CNTNAP2: variants seen among roughly 807,000 people sequenced by gnomAD.
CNTNAP2 encodes contactin-associated protein-like 2.
A neutral mutation model predicts 155.2 loss-of-function variants in CNTNAP2; 98 were observed. The ratio of observed to expected loss-of-function variants is 0.63; its 90% CI spans 0.54 to 0.75. CNTNAP2 has a LOEUF of 0.75. Ranked by LOEUF, CNTNAP2 falls within the 30% of genes least tolerant of loss-of-function variation. The probability of loss-of-function intolerance (pLI) is 0.00; values close to 1 mark genes in which losing one functional copy is unlikely to be tolerated. For missense variants in CNTNAP2, 1,727 were observed against 1,688.1 expected (o/e 1.02, Z -0.40); for synonymous variants, 651 against 631.2 (o/e 1.03, Z -0.47).
At chr7:146,186,600 G>T (rs1184406911) in intron 1 of CNTNAP2, among the ~76,000 whole-genome samples, 2 of 152,044 alleles carry the variant, frequency 1.3e-5, no homozygotes, top group Non-Finnish European at 2.9e-5. Context: ...GGTGTATTAT[G>T]TATTTCAAAT....
At chr7:147,667,795 C>CA (rs549630597) in intron 13 of CNTNAP2, among the ~76,000 whole-genome samples, 2,619 of 129,580 alleles carry the variant, frequency 0.02, 72 homozygotes, top group African/African-American at 0.061. Flanking sequence ...GCTGCTGCTG[C>CA]AAAAAAAAAA....
At chr7:147,731,940 AT>A (rs1796746703) in intron 13 of CNTNAP2, among the ~76,000 whole-genome samples, 1 of 152,174 alleles carries the variant, frequency 6.6e-6, no homozygotes, top group African/African-American at 2.4e-5. Context: ...GTAGAATTAA[AT>A]TTTGAGCCTG....
At chr7:146,656,282 G>A (rs1451097229) in intron 1 of CNTNAP2, among the ~76,000 whole-genome samples, 3 of 152,098 alleles carry the variant, frequency 2.0e-5, no homozygotes, top group African/African-American at 7.2e-5. Flanking sequence ...ATTTCACCTG[G>A]CAAAGGAACT....
chr7:146,925,730 C>T (rs190880481), intron 3 of CNTNAP2, among the ~76,000 whole-genome samples: 734 of 152,186 alleles, frequency 4.8e-3, no homozygotes, highest in Non-Finnish European at 8.2e-3. Flanking sequence ...ATTCCAGATC[C>T]TGTTCTTTTT....
rs1002731388 is a variant in CNTNAP2 at position 148,416,764 on chromosome 7, T to C, written c.*1148T>C. 6.0e-5 allele frequency: 9 copies of C among 150,596 alleles called. No homozygotes were observed. The highest frequency in any genetic ancestry group is 2.2e-4 in the African/African-American group (9 of 40,198). The allele number at this position is 150,596 out of a possible 1,614,324, so 9.3% of individuals were successfully genotyped here. On this transcript the variant is annotated 3_prime_UTR_variant, in exon 24 of 24. Transcript: ENST00000361727. The stretch of plus-strand genomic sequence containing the variant: ...ATCAACTACTCCACGTGTTTTTCCA[T>C]CCAATCACACTGCTGTGATTCAGGG...
chr7:147,347,433 TATATATGCATATATATATATATGC>T (rs1795887341), intron 9 of CNTNAP2, among the ~76,000 whole-genome samples: 1 of 59,378 alleles, frequency 1.7e-5, no homozygotes, highest in Non-Finnish European at 3.4e-5. Context: ...TATATATATA[TATATATGCATATATATATATATGC>T]ATATATATAT....
intron 21 of CNTNAP2, among the ~76,000 whole-genome samples, chr7:148,295,388 C>CAAAAG (rs199606326): frequency 0.059 from 9,017 of 152,120 alleles, 345 homozygotes; most frequent in African/African-American, 0.11. Flanking sequence ...ACAAGGGCTA[C>CAAAAG]AAAAGAAGCA....
At chr7:146,554,878 T>C (rs1798174404) in intron 1 of CNTNAP2, among the ~76,000 whole-genome samples, 1 of 152,260 alleles carries the variant, frequency 6.6e-6, no homozygotes, top group African/African-American at 2.4e-5. Context: ...TGCACATATA[T>C]AGCACTTGAG....
chr7:148,364,024 C>A (rs1328317566), intron 21 of CNTNAP2, among the ~76,000 whole-genome samples: 1 of 152,220 alleles, frequency 6.6e-6, no homozygotes, highest in Non-Finnish European at 1.5e-5. Context: ...CGATTTCTCG[C>A]CGGGCCTTGG....
chr7:146,764,094 A>G (rs1167777222), intron 1 of CNTNAP2, among the ~76,000 whole-genome samples: 2 of 152,190 alleles, frequency 1.3e-5, no homozygotes, highest in Non-Finnish European at 2.9e-5. Context: ...GAGGGTCAAA[A>G]ATTGCAACAT....
At chr7:146,472,959 A>G (rs185521087) in intron 1 of CNTNAP2, among the ~76,000 whole-genome samples, 157 of 150,598 alleles carry the variant, frequency 1.0e-3, no homozygotes, top group African/African-American at 3.6e-3. Flanking sequence ...AAGCCAAATG[A>G]TAAGTGTGCT....
chr7:147,611,916 G>C (rs529852117), intron 12 of CNTNAP2, among the ~76,000 whole-genome samples: 1 of 152,072 alleles, frequency 6.6e-6, no homozygotes, highest in African/African-American at 2.4e-5. Context: ...TTGCATATTT[G>C]GGGTGAAAAA....
rs917604933 is a variant in CNTNAP2 at position 147,451,237 on chromosome 7, G to A, written c.1671-34698G>A. Among the ~76,000 whole-genome samples, 5 of 152,142 alleles carry A rather than the reference G, an allele frequency of 3.3e-5. No homozygotes were observed. In the South Asian group the frequency reaches 1.0e-3, roughly 32 times the overall value. On this transcript the variant is annotated intron_variant, in intron 10 of 23. Coordinates refer to ENST00000361727, the MANE Select transcript of CNTNAP2 (RefSeq NM_014141.6). ...AAGAGCCCACTAGTCTGGAGCCATA[G>A]AGTCTCCTTGACACTGAAAGGATAC...
intron 3 of CNTNAP2, among the ~76,000 whole-genome samples, chr7:147,000,861 G>T (rs1225422517): frequency 6.6e-6 from 1 of 152,096 alleles, no homozygotes. Flanking sequence ...GCTATAGTTG[G>T]CCAGTAGTTA....
At chr7:148,220,247 C>T (rs1373010496) in intron 19 of CNTNAP2, among the ~76,000 whole-genome samples, 3 of 152,142 alleles carry the variant, frequency 2.0e-5, no homozygotes, top group African/African-American at 4.8e-5. Context: ...GGACTACAGG[C>T]GCCTGCCACA....
intron 15 of CNTNAP2, among the ~76,000 whole-genome samples, chr7:147,987,859 T>G (rs1801645780): frequency 6.6e-6 from 1 of 152,018 alleles, no homozygotes; most frequent in South Asian, 2.1e-4. Context: ...CACACCCCGC[T>G]AATTTTTTTA....
chr7:147,644,895 T>C (rs1404203300), intron 13 of CNTNAP2, among the ~76,000 whole-genome samples: 1 of 152,144 alleles, frequency 6.6e-6, no homozygotes, highest in Non-Finnish European at 1.5e-5. Flanking sequence ...CTTACATATA[T>C]ATTTATTTAA....
At chr7:148,288,465 T>G (rs2116476035) in intron 21 of CNTNAP2, among the ~76,000 whole-genome samples, 1 of 152,204 alleles carries the variant, frequency 6.6e-6, no homozygotes, top group Admixed American at 6.5e-5. Context: ...CTTATCTAAT[T>G]CTAATTACCT....
intron 1 of CNTNAP2, among the ~76,000 whole-genome samples, chr7:146,190,105 G>A (rs539010253): frequency 9.2e-5 from 14 of 152,252 alleles, no homozygotes; most frequent in Admixed American, 2.0e-4. Context: ...TCAAAGAAGC[G>A]ATTTCCTTAC....
Sources: allele counts gnomAD v4.1 joint callset (sites outside exome capture counted in the v4.1 genomes callset), GRCh38; gene constraint gnomAD v4.1.1; transcripts MANE v1.5; gene names NCBI Gene and HGNC (gene_info 2026-07-23, HGNC 2026-07-21).